CORO1B: variants seen among roughly 807,000 people sequenced by gnomAD.
CORO1B encodes the protein coronin-1B.
In CORO1B, 30 loss-of-function variants were observed where a neutral mutation model predicts 51.1. That is an observed-to-expected ratio of 0.59 (90% CI 0.44 to 0.80). The LOEUF (loss-of-function observed/expected upper bound fraction) is 0.80. CORO1B is among the 30% of genes least tolerant of loss of function. CORO1B has a pLI of 0.00. For synonymous variants in CORO1B, 310 were observed against 289.7 expected (o/e 1.07, Z -0.71); for missense variants, 648 against 700.4 (o/e 0.93, Z 0.84).
chr11:67,436,305 C>G lies in CORO1B; in HGVS notation c.*2071G>C. 1 of 1,525,204 alleles carries G rather than the reference C, an allele frequency of 6.6e-7. No homozygotes were observed. Among genetic ancestry groups the G allele is most frequent in the Non-Finnish European group, 8.8e-7 (1 of 1,139,332 alleles). The allele number at this position is 1,525,204 out of a possible 1,614,324, so 94.5% of individuals were successfully genotyped here. ...GCGCTGCCACCCGAGCCCAAGGCCC[C>G]TGGCAGGGCCAGCAGCATCCCGAGC... is the stretch of plus-strand genomic sequence containing the variant. On this transcript the variant is annotated 3_prime_UTR_variant, in exon 11 of 11. Transcript: ENST00000341356.
At position 67,442,074 on chromosome 11, in the gene CORO1B, G is replaced by A. The variant is rs1460806242; in HGVS notation, c.216C>T (p.Asp72=). The change falls in exon 3 of 11, where the codon GAC becomes GAT. Residue 72 remains aspartate, a synonymous_variant. Transcript: ENST00000341356. The part of the protein sequence containing the change: ...VLPLSKTGRI[D]KAYPTVCGHT... The stretch of plus-strand genomic sequence containing the variant: ...GCCCACACACCGTCGGGTAGGCCTT[G>A]TCAATGCGGCCCGTCTGTGGGCACG... 3 of 1,611,984 alleles carry A rather than the reference G, an allele frequency of 1.9e-6. No homozygotes were observed. In the South Asian group the frequency reaches 3.3e-5, roughly 18 times the overall value.
Position 67,440,119 on chromosome 11 carries a change from G to T in CORO1B, c.1006C>A (p.Arg336=). ...GAGTGGCCTCGGTAGCCCTCTTACC[G>T]GGCGATCTCGCACTTGCTGACCTCC... The part of the protein sequence containing the change: ...GLEVSKCEIA[R]FYKLHERKCE... Residue 336 remains arginine, a splice_region_variant and synonymous_variant, in exon 8 of 11, where the codon CGG becomes AGG. Transcript: ENST00000341356. 6.2e-7 allele frequency: 1 copy of T among 1,608,974 alleles called. No individual in the cohort carries two copies. The highest frequency in any genetic ancestry group is 8.5e-7 in the Non-Finnish European group (1 of 1,177,380).
Position 67,436,637 on chromosome 11 carries a change from C to T in CORO1B, c.*1739G>A. ...GTTCCCTCTGCCCGGAAAGCTCCAC[C>T]TCCTCCCATCCTCCCCTCCCCCGGG... is the stretch of plus-strand genomic sequence containing the variant. On this transcript the variant is annotated 3_prime_UTR_variant, in exon 11 of 11. Transcript: ENST00000341356. The T allele has an allele frequency of 2.8e-6, 1 of 355,888 alleles. No individual in the cohort carries two copies. Among genetic ancestry groups the T allele is most frequent in the Non-Finnish European group, 5.1e-6 (1 of 196,904 alleles). 22.0% of individuals were successfully genotyped at this position (355,888 alleles called of 1,614,324 possible). A position where few individuals can be genotyped will look rare whatever the true frequency, so the allele number is the denominator to read the frequency against.
chr11:67,441,338 C>T lies in CORO1B; in HGVS notation c.631G>A (p.Val211Met). 6.2e-7 allele frequency: 1 copy of T among 1,613,568 alleles called. No individual in the cohort carries two copies. The highest frequency in any genetic ancestry group is 8.5e-7 in the Non-Finnish European group (1 of 1,179,996). The change falls in exon 5 of 11, where the codon GTG (valine) becomes ATG (methionine). Residue 211 changes from valine (V) to methionine (M), a missense_variant. Physicochemically the swap from Val to Met is conservative, Grantham distance 21 (BLOSUM62 1). Coordinates refer to ENST00000341356, the MANE Select transcript of CORO1B (RefSeq NM_020441.3). The part of the protein sequence containing the change: ...RIIDPRRGTL[V>M]AEREKAHEGA... ...TGCCCTCCAGAGCCACGTACTGCCA[C>T]CAGGGTGCCCCGACGGGGGTCGATG...
chr11:67,442,301 T>A, intron 2 of CORO1B, 127 bp downstream of exon 2: 2 of 1,255,982 alleles, frequency 1.6e-6, no homozygotes, highest in Non-Finnish European at 2.2e-6. Flanking sequence ...CTTGGGGCGA[T>A]AAATCTGGGT....
rs568087872 is a variant in CORO1B at position 67,435,778 on chromosome 11, G to A, written c.*2598C>T. ...GGCCCTGGCCCCCAGCTGCCCTGGC[G>A]CTGTCATCCCAGGCTGCGCTGCCAG... On this transcript the variant is annotated 3_prime_UTR_variant, in exon 11 of 11. Coordinates refer to ENST00000341356, the MANE Select transcript of CORO1B (RefSeq NM_020441.3). 3.8e-5 allele frequency: 60 copies of A among 1,576,096 alleles called. No homozygotes were observed. Among genetic ancestry groups the A allele is most frequent in the South Asian group, 3.1e-4 (27 of 87,418 alleles).
chr11:67,442,968 C>A (rs898527276), intron 1 of CORO1B, among the ~76,000 whole-genome samples: 2 of 152,144 alleles, frequency 1.3e-5, no homozygotes, highest in Admixed American at 6.5e-5. Context: ...TACTGTAGGT[C>A]CCAGCCAGTC....
At chr11:67,440,805 G>A (rs895331473) in intron 6 of CORO1B, 11 of 654,154 alleles carry the variant, frequency 1.7e-5, no homozygotes, top group Non-Finnish European at 3.1e-5. Flanking sequence ...AGGCTTGCTG[G>A]AGGAGGAGGC....
In CORO1B at chr11:67,438,344, G is replaced by C; in HGVS notation, c.*32C>G. ...AGAAGCTGAGTGGGAAGGGGGCGGCGGAGGAGATGAAGGTGGCGTGTGGCT... is the reference window on the plus strand; with the variant it reads ...AGAAGCTGAGTGGGAAGGGGGCGGCCGAGGAGATGAAGGTGGCGTGTGGCT... On this transcript the variant is annotated 3_prime_UTR_variant, in exon 11 of 11. Coordinates refer to ENST00000341356, the MANE Select transcript of CORO1B (RefSeq NM_020441.3). 6.4e-7 allele frequency: 1 copy of C among 1,573,186 alleles called. No homozygotes were observed. Among genetic ancestry groups the C allele is most frequent in the Non-Finnish European group, 8.6e-7 (1 of 1,157,450 alleles).
chr11:67,437,749 G>T lies in CORO1B; in HGVS notation c.*627C>A. The T allele has an allele frequency of 3.0e-6, 3 of 1,000,808 alleles. No individual in the cohort carries two copies. Among genetic ancestry groups the T allele is most frequent in the Non-Finnish European group, 4.0e-6 (3 of 751,208 alleles). 62.0% of individuals were successfully genotyped at this position (1,000,808 alleles called of 1,614,324 possible). A position where few individuals can be genotyped will look rare whatever the true frequency, so the allele number is the denominator to read the frequency against. On this transcript the variant is annotated 3_prime_UTR_variant, in exon 11 of 11. Coordinates refer to ENST00000341356, the MANE Select transcript of CORO1B (RefSeq NM_020441.3). ...CGCTTCCTGCCCACATACCCCACCTGCCCCTCCCTGCTGCAGGACCCCTGG... is the reference window on the plus strand; with the variant it reads ...CGCTTCCTGCCCACATACCCCACCTTCCCCTCCCTGCTGCAGGACCCCTGG...
chr11:67,439,979 A>C, intron 8 of CORO1B, 136 bp from the exon 9 acceptor site: 5 of 1,405,894 alleles, frequency 3.6e-6, no homozygotes, highest in Non-Finnish European at 4.8e-6. Flanking sequence ...CTAGACCCCC[A>C]CACGGGCTGC....
At chr11:67,440,028 G>T (rs552458727) in intron 8 of CORO1B, 90 bp downstream of exon 8, 20 of 1,522,612 alleles carry the variant, frequency 1.3e-5, no homozygotes, top group Non-Finnish European at 1.7e-5. Context: ...CCTCCCTGGC[G>T]CAAGGTTTCC....
Position 67,436,001 on chromosome 11 carries a change from A to G in CORO1B, c.*2375T>C. On this transcript the variant is annotated 3_prime_UTR_variant, in exon 11 of 11. Transcript: ENST00000341356. ...GTCAGCCTGCAGGCCACCATCCGCGACGTGGTCATAGTCTGTGTCCTGCTC... is the reference window on the plus strand; with the variant it reads ...GTCAGCCTGCAGGCCACCATCCGCGGCGTGGTCATAGTCTGTGTCCTGCTC... The G allele has an allele frequency of 6.2e-7, 1 of 1,613,688 alleles. No homozygotes were observed. Among genetic ancestry groups the G allele is most frequent in the Non-Finnish European group, 8.5e-7 (1 of 1,179,894 alleles).
At chr11:67,441,583 C>A in intron 4 of CORO1B, 69 bp from the exon 5 acceptor site, 1 of 1,560,370 alleles carries the variant, frequency 6.4e-7, no homozygotes, top group East Asian at 2.3e-5. Flanking sequence ...CAGGCTGAGG[C>A]CCACTCTGCC....
rs781622769 is a variant in CORO1B at position 67,436,377 on chromosome 11, G to A, written c.*1999C>T. The A allele has an allele frequency of 5.6e-6, 8 of 1,436,442 alleles. No homozygotes were observed. In the South Asian group the frequency reaches 1.2e-4, roughly 21 times the overall value. The allele number at this position is 1,436,442 out of a possible 1,614,324, so 89.0% of individuals were successfully genotyped here. On this transcript the variant is annotated 3_prime_UTR_variant, in exon 11 of 11. Coordinates refer to ENST00000341356, the MANE Select transcript of CORO1B (RefSeq NM_020441.3). ...TGTGGGAGACAGGCAGGGGCTCAGA[G>A]GGCTCAGCACCTGGGGTGGGGCCTG... is the stretch of plus-strand genomic sequence containing the variant.
chr11:67,439,029 T>C, intron 9 of CORO1B, 80 bp from the exon 10 acceptor site: 1 of 1,446,478 alleles, frequency 6.9e-7, no homozygotes, highest in Non-Finnish European at 9.3e-7. Context: ...GCCTCCAGGC[T>C]TGCACTCTGT....
chr11:67,440,431 G>C lies in CORO1B; in HGVS notation c.765C>G (p.Leu255=). 6.2e-7 allele frequency: 1 copy of C among 1,613,770 alleles called. No homozygotes were observed. The highest frequency in any genetic ancestry group is 8.5e-7 in the Non-Finnish European group (1 of 1,179,972). The change falls in exon 7 of 11, where the codon CTC becomes CTG. Residue 255 remains leucine, a synonymous_variant. Coordinates refer to ENST00000341356, the MANE Select transcript of CORO1B (RefSeq NM_020441.3). ...RQLALWDPEN[L]EEPMALQELD... ...GTTCCTGCAGGGCCATGGGTTCCTC[G>C]AGGTTTTCCTGGCACATTGCAGGCA... is the stretch of plus-strand genomic sequence containing the variant.
Position 67,439,773 on chromosome 11 carries a change from C to T in CORO1B, c.1065+13G>A, listed in dbSNP as rs372734741. On this transcript the variant is annotated intron_variant, in intron 9 of 10. Transcript: ENST00000341356. Reference sequence around the variant, plus strand: ...AGAAAGGGCCAAGTGAGCCGAGGGACGGGCGGCCTCACCTTTCTTGGCACA... The same window carrying T: ...AGAAAGGGCCAAGTGAGCCGAGGGATGGGCGGCCTCACCTTTCTTGGCACA... 2.3e-5 allele frequency: 36 copies of T among 1,580,420 alleles called. No individual in the cohort carries two copies. Among genetic ancestry groups the T allele is most frequent in the East Asian group, 1.4e-4 (6 of 43,714 alleles).
rs1394173082 is a variant in CORO1B at position 67,438,668 on chromosome 11, T to C, written c.1344+3A>G. Reference sequence around the variant, plus strand: ...AGCACCACCCCTGCCTGCGCGTGCATACCCCGGCTCTGGCCAGGCTGCCGC... The same window carrying C: ...AGCACCACCCCTGCCTGCGCGTGCACACCCCGGCTCTGGCCAGGCTGCCGC... On this transcript the variant is annotated splice_donor_region_variant and intron_variant, in intron 10 of 10. Transcript: ENST00000341356. 2.0e-6 allele frequency: 3 copies of C among 1,534,080 alleles called. No homozygotes were observed. The highest frequency in any genetic ancestry group is 2.4e-5 in the East Asian group (1 of 41,068).
Sources: gnomAD v4.1 joint callset for allele counts (sites outside exome capture counted in the v4.1 genomes callset) on GRCh38, gnomAD v4.1.1 for gene constraint, MANE v1.5 for transcripts, NCBI Gene and HGNC (gene_info 2026-07-23, HGNC 2026-07-21) for gene names.